The following IL17RD variants were observed in gnomAD, a reference collection of about 807,000 sequenced individuals.
IL17RD encodes the protein interleukin 17 receptor D, also known as interleukin-17 receptor D.
In IL17RD, 52 loss-of-function variants were observed where a neutral mutation model predicts 80.5. The observed-to-expected ratio is 0.65, with a 90% CI of 0.52 to 0.81. The LOEUF is 0.81. IL17RD is among the 40% of genes least tolerant of loss of function. The pLI, the probability that IL17RD is intolerant of heterozygous loss-of-function variation, is 0.00. For missense variants in IL17RD, 1,024 were observed against 955.1 expected (o/e 1.07, Z -0.95); for synonymous variants, 416 against 391.8 (o/e 1.06, Z -0.73).
chr3:57,169,458 C>A, upstream of IL17RD: 1 of 230,760 alleles, frequency 4.3e-6, no homozygotes, highest in South Asian at 4.2e-5. Context: ...ATATATTTTC[C>A]CACTCTAATT....
chr3:57,145,669 C>T (rs1283552653), intron 1 of IL17RD, among the ~76,000 whole-genome samples: 3 of 152,230 alleles, frequency 2.0e-5, no homozygotes, highest in East Asian at 1.9e-4. Flanking sequence ...AATAAGGACA[C>T]GGAGTGGGTA....
rs1261373761 is a variant in IL17RD, at chr3:57,165,206, A to G, written c.81T>C (p.Ala27=). 2 of 1,530,398 alleles carry G rather than the reference A, an allele frequency of 1.3e-6. No individual in the cohort carries two copies. The highest frequency in any genetic ancestry group is 1.4e-5 in the African/African-American group (1 of 70,124). The allele number at this position is 1,530,398 out of a possible 1,614,324, so 94.8% of individuals were successfully genotyped here. A position where few individuals can be genotyped will look rare whatever the true frequency, so the allele number is the denominator to read the frequency against. The change falls in exon 1 of 13, where the codon GCT becomes GCC. Residue 27 remains alanine (A), a synonymous_variant. Transcript: ENST00000296318. ...CGCCCCGCGCGCGGCCGGACCCGCC[A>G]GCGGCCACAGCCAGCTGCGAGCCGT... ...CLNGSQLAVA[A]GGSGRARGAD... is the part of the protein sequence containing the mutation.
chr3:57,105,363 C>G (rs904264318), intron 7 of IL17RD, among the ~76,000 whole-genome samples: 7 of 151,188 alleles, frequency 4.6e-5, no homozygotes, highest in Non-Finnish European at 8.8e-5. Context: ...CATGGTGAAC[C>G]CCGTCTCTAC....
chr3:57,157,648 G>A (rs934962435), intron 1 of IL17RD, among the ~76,000 whole-genome samples: 27 of 152,328 alleles, frequency 1.8e-4, no homozygotes, highest in Middle Eastern at 3.4e-3. Flanking sequence ...CTCAGGCGGC[G>A]GACTGCTGCT....
At chr3:57,096,770 G>A (rs995794888) in intron 12 of IL17RD, among the ~76,000 whole-genome samples, 1 of 152,170 alleles carries the variant, frequency 6.6e-6, no homozygotes, top group African/African-American at 2.4e-5. Context: ...AGCACTTTGG[G>A]AGGCCGAGGT....
chr3:57,164,610 G>T (rs932537513), intron 1 of IL17RD, among the ~76,000 whole-genome samples: 1 of 152,218 alleles, frequency 6.6e-6, no homozygotes. Context: ...TCAGAGGAGG[G>T]GTAGGAGTGG....
Position 57,110,247 on chromosome 3 carries a change from G to A in IL17RD, c.375C>T (p.Cys125=). The A allele has an allele frequency of 1.2e-6, 2 of 1,609,496 alleles. No individual in the cohort carries two copies. The highest frequency in any genetic ancestry group is 2.2e-5 in the East Asian group (1 of 44,812). The change falls in exon 4 of 13, where the codon TGC becomes TGT. Residue 125 remains cysteine (C), a synonymous_variant. Coordinates refer to ENST00000296318, the MANE Select transcript of IL17RD (RefSeq NM_017563.5). ...TCGGATCCTTTAGAATCAGTTGTTG[G>A]CACTGTCTTCCCTCCGACTTCAGCT... is the stretch of plus-strand genomic sequence containing the variant. ...LEELKSEGRQ[C]QQLILKDPKQ...
intron 2 of IL17RD, among the ~76,000 whole-genome samples, chr3:57,117,304 GA>G (rs1707238862): frequency 1.3e-5 from 2 of 152,146 alleles, no homozygotes; most frequent in African/African-American, 4.8e-5. Flanking sequence ...AGTAGAGACA[GA>G]GTTTCACCTT....
At chr3:57,113,960 C>T (rs1559471842) in intron 3 of IL17RD, among the ~76,000 whole-genome samples, 2 of 151,640 alleles carry the variant, frequency 1.3e-5, no homozygotes. Context: ...CCGAGGCGGG[C>T]GGATCACGAG....
Position 57,098,123 on chromosome 3 carries a change from T to C in IL17RD, c.1580A>G (p.Gln527Arg). ...GLQEPGQHTR[Q>R]GSRRNYFRSK... ...CCGGAAGTAGTTCCTTCTGCTGCCC[T>C]GTCGCGTGTGCTGCCCCGGCTCCTG... The change falls in exon 12 of 13, where the codon CAG becomes CGG. Residue 527 changes from glutamine (Q) to arginine (R), a missense_variant. Coordinates refer to ENST00000296318, the MANE Select transcript of IL17RD (RefSeq NM_017563.5). 6 of 1,613,950 alleles carry C rather than the reference T, an allele frequency of 3.7e-6. No homozygotes were observed. Among genetic ancestry groups the C allele is most frequent in the Non-Finnish European group, 5.1e-6 (6 of 1,179,880 alleles).
chr3:57,156,579 A>G (rs1383265250), intron 1 of IL17RD, among the ~76,000 whole-genome samples: 1 of 152,100 alleles, frequency 6.6e-6, no homozygotes, highest in African/African-American at 2.4e-5. Flanking sequence ...ATAAAATAAA[A>G]TCTAAGCTCT....
At chr3:57,167,954 C>T (rs2060355032), upstream of IL17RD, among the ~76,000 whole-genome samples, 1 of 152,082 alleles carries the variant, frequency 6.6e-6, no homozygotes, top group Non-Finnish European at 1.5e-5. Flanking sequence ...CCTCAGCCTC[C>T]CGAGTAGCTG....
chr3:57,109,490 G>A (rs768201919), intron 5 of IL17RD, 47 bp downstream of exon 5: 20 of 1,585,700 alleles, frequency 1.3e-5, no homozygotes, highest in East Asian at 6.7e-5. Context: ...CATTAAAAGC[G>A]GAGAAAAGTC....
intron 1 of IL17RD, among the ~76,000 whole-genome samples, chr3:57,130,493 T>C (rs1707582981): frequency 6.6e-6 from 1 of 152,198 alleles, no homozygotes; most frequent in Non-Finnish European, 1.5e-5. Flanking sequence ...ACTAGAATGT[T>C]CTAAGCTAAA....
At chr3:57,146,300 G>A (rs1283240740) in intron 1 of IL17RD, among the ~76,000 whole-genome samples, 2 of 152,024 alleles carry the variant, frequency 1.3e-5, no homozygotes, top group East Asian at 1.9e-4. Flanking sequence ...TCTCTACTAA[G>A]CGACATTTCG....
chr3:57,133,266 C>CTAA (rs1211239301), intron 1 of IL17RD, among the ~76,000 whole-genome samples: 1 of 152,240 alleles, frequency 6.6e-6, no homozygotes, highest in East Asian at 1.9e-4. Context: ...TATTCAAACA[C>CTAA]TAATGATCCC....
intron 4 of IL17RD, 68 bp downstream of exon 4, chr3:57,110,125 T>G: frequency 1.3e-6 from 2 of 1,535,810 alleles, no homozygotes; most frequent in Non-Finnish European, 1.8e-6. Flanking sequence ...TTTCAGACTT[T>G]GAATACACTA....
chr3:57,108,761 C>A (rs1707024064), intron 5 of IL17RD, among the ~76,000 whole-genome samples: 1 of 150,872 alleles, frequency 6.6e-6, no homozygotes, highest in Non-Finnish European at 1.5e-5. Flanking sequence ...GGTGATTCAC[C>A]CATCTTGGCC....
chr3:57,166,504 AAAACAAAC>A (rs6147832), upstream of IL17RD, among the ~76,000 whole-genome samples: 62 of 150,952 alleles, frequency 4.1e-4, no homozygotes, highest in Non-Finnish European at 6.5e-4. Flanking sequence ...CCTGTCTCTA[AAAACAAAC>A]AAACAAACAA....
Sources: allele counts gnomAD v4.1 joint callset (sites outside exome capture counted in the v4.1 genomes callset), GRCh38; gene constraint gnomAD v4.1.1; transcripts MANE v1.5; gene names NCBI Gene and HGNC (gene_info 2026-07-23, HGNC 2026-07-21).